ZNF438: variants seen among roughly 807,000 people sequenced by gnomAD.
ZNF438 encodes zinc finger protein 438.
In ZNF438, 25 loss-of-function variants were observed where a neutral mutation model predicts 38.0. That is an observed-to-expected ratio of 0.66 (90% CI 0.48 to 0.92). The LOEUF is 0.92. Among genes scored for constraint, ZNF438 ranks in the 40% least tolerant of loss-of-function variants. The probability of loss-of-function intolerance (pLI) is 0.00; values close to 1 mark genes in which losing one functional copy is unlikely to be tolerated. For synonymous variants in ZNF438, 372 were observed against 364.1 expected (o/e 1.02, Z -0.25); for missense variants, 1,007 against 999.6 (o/e 1.01, Z -0.10).
intron 3 of ZNF438, among the ~76,000 whole-genome samples, chr10:30,882,105 T>C (rs1473315427): frequency 6.6e-6 from 1 of 151,992 alleles, no homozygotes; most frequent in East Asian, 1.9e-4. Context: ...TCAAAAGATA[T>C]CAATAAGACA....
intron 1 of ZNF438, among the ~76,000 whole-genome samples, chr10:30,993,359 A>C (rs1420404086): frequency 6.6e-6 from 1 of 152,232 alleles, no homozygotes; most frequent in East Asian, 1.9e-4. Flanking sequence ...GGACTGCCTC[A>C]GGACTCTGCT....
intron 4 of ZNF438, chr10:30,875,314 T>G: frequency 1.0e-6 from 1 of 985,420 alleles, no homozygotes; most frequent in Non-Finnish European, 1.2e-6. Flanking sequence ...GTTGCTTAGT[T>G]ACTCACATAG....
chr10:30,985,341 A>G (rs1179142494), intron 1 of ZNF438, among the ~76,000 whole-genome samples: 1 of 152,198 alleles, frequency 6.6e-6, no homozygotes, highest in African/African-American at 2.4e-5. Flanking sequence ...ATTATTCTCT[A>G]AAGCATGACT....
At chr10:30,959,832 T>TA (rs1173398066) in intron 1 of ZNF438, among the ~76,000 whole-genome samples, 1 of 147,204 alleles carries the variant, frequency 6.8e-6, no homozygotes, top group Non-Finnish European at 1.5e-5. Context: ...TAAGTTGGTT[T>TA]AACTTTAAAA....
chr10:31,002,513 T>G (rs1217944483), intron 1 of ZNF438, among the ~76,000 whole-genome samples: 2 of 152,226 alleles, frequency 1.3e-5, no homozygotes, highest in East Asian at 3.8e-4. Context: ...TTCACAAATC[T>G]GAATATTGTT....
At chr10:30,858,461 T>TA (rs1369382781) in intron 4 of ZNF438, among the ~76,000 whole-genome samples, 1 of 152,158 alleles carries the variant, frequency 6.6e-6, no homozygotes, top group East Asian at 1.9e-4. Flanking sequence ...CTTTAGCCAT[T>TA]GCCTACCCTC....
intron 3 of ZNF438, among the ~76,000 whole-genome samples, chr10:30,891,253 T>G (rs1425173145): frequency 2.0e-5 from 3 of 152,204 alleles, no homozygotes; most frequent in Non-Finnish European, 4.4e-5. Flanking sequence ...ATTCCTATTA[T>G]TGAAATGTTG....
intron 1 of ZNF438, among the ~76,000 whole-genome samples, chr10:30,945,722 G>C (rs1180882889): frequency 1.5e-5 from 2 of 131,568 alleles, no homozygotes; most frequent in Admixed American, 1.6e-4. Context: ...TCCCTACAAA[G>C]GACGTGAACT....
chr10:30,874,394 C>G (rs2038087421), intron 4 of ZNF438, among the ~76,000 whole-genome samples: 1 of 151,966 alleles, frequency 6.6e-6, no homozygotes. Context: ...AAGTTATCCT[C>G]CCACCTCAGC....
At chr10:30,952,268 T>C (rs1335518583) in intron 1 of ZNF438, among the ~76,000 whole-genome samples, 3 of 148,410 alleles carry the variant, frequency 2.0e-5, no homozygotes, top group Admixed American at 1.3e-4. Context: ...GATTAAAGAC[T>C]TAAACGTTAG....
chr10:30,854,462 T>A (rs4749624), intron 4 of ZNF438, among the ~76,000 whole-genome samples: 2 of 152,130 alleles, frequency 1.3e-5, no homozygotes, highest in South Asian at 2.1e-4. Flanking sequence ...ATTTTTAAAG[T>A]GGTAATAGAG....
At chr10:30,879,729 T>C (rs890794595) in intron 3 of ZNF438, among the ~76,000 whole-genome samples, 4 of 152,030 alleles carry the variant, frequency 2.6e-5, no homozygotes, top group Non-Finnish European at 5.9e-5. Flanking sequence ...AAGAAAATAT[T>C]AGCAAATCTG....
Position 31,022,458 on chromosome 10 carries a change from G to A in ZNF438, c.-192+9375C>T, listed in dbSNP as rs113709925. On this transcript the variant is annotated intron_variant, in intron 1 of 5. Transcript: ENST00000413025. Reference sequence around the variant, plus strand: ...GTATTTTTAGTAGAGACAGGGTTTCGCAATGTTGGCCAGGCTGGTCTCGAA... The same window carrying A: ...GTATTTTTAGTAGAGACAGGGTTTCACAATGTTGGCCAGGCTGGTCTCGAA... Among the ~76,000 whole-genome samples the A allele has an allele frequency of 6.3e-3, 957 of 152,028 alleles. 12 individuals carry two copies. Among genetic ancestry groups the A allele is most frequent in the African/African-American group, 0.022 (893 of 41,462 alleles).
At chr10:30,930,349 C>T (rs577820958) in intron 2 of ZNF438, among the ~76,000 whole-genome samples, 9 of 152,262 alleles carry the variant, frequency 5.9e-5, no homozygotes, top group African/African-American at 2.2e-4. Flanking sequence ...AGGGCCGACA[C>T]TCCTGGGCTC....
upstream of ZNF438, among the ~76,000 whole-genome samples, chr10:31,032,316 A>G (rs988843059): frequency 2.6e-5 from 4 of 152,102 alleles, no homozygotes; most frequent in Non-Finnish European, 5.9e-5. Context: ...TTTGCTCTCC[A>G]TCAGGTGCTG....
chr10:30,889,585 T>C (rs774879211), intron 3 of ZNF438, among the ~76,000 whole-genome samples: 1 of 152,202 alleles, frequency 6.6e-6, no homozygotes, highest in Non-Finnish European at 1.5e-5. Flanking sequence ...TTTGTGTTTT[T>C]AGTAGAGATG....
At chr10:30,895,523 A>T (rs2041213278) in intron 3 of ZNF438, among the ~76,000 whole-genome samples, 1 of 152,250 alleles carries the variant, frequency 6.6e-6, no homozygotes, top group Non-Finnish European at 1.5e-5. Flanking sequence ...CTATACCAAA[A>T]TTTAAAACTT....
intron 1 of ZNF438, among the ~76,000 whole-genome samples, chr10:30,986,816 G>C (rs2052853456): frequency 6.6e-6 from 1 of 152,168 alleles, no homozygotes; most frequent in Admixed American, 6.5e-5. Flanking sequence ...TCTGATTTTA[G>C]ATCAGAGATG....
chr10:30,982,599 G>A (rs1470743743), intron 1 of ZNF438, among the ~76,000 whole-genome samples: 1 of 152,088 alleles, frequency 6.6e-6, no homozygotes, highest in African/African-American at 2.4e-5. Context: ...TGGGTCTGTT[G>A]TTTTAAGTGT....
Sources: gnomAD v4.1 joint callset for allele counts (sites outside exome capture counted in the v4.1 genomes callset) on GRCh38, gnomAD v4.1.1 for gene constraint, MANE v1.5 for transcripts, NCBI Gene and HGNC (gene_info 2026-07-23, HGNC 2026-07-21) for gene names.